Variants in MBL2 observed in about 807,000 individuals in gnomAD.
MBL2 encodes mannose-binding protein C.
In MBL2, 6 loss-of-function variants were observed where a neutral mutation model predicts 12.7. That is an observed-to-expected ratio of 0.47 (90% CI 0.26 to 0.94). MBL2 has a LOEUF of 0.94. Ranked by LOEUF, MBL2 falls within the 40% of genes least tolerant of loss-of-function variation. The pLI is 0.15. For synonymous variants in MBL2, 114 were observed against 112.0 expected, an observed-to-expected ratio of 1.02 and a Z score of -0.11; for missense variants, 307 against 295.2, an observed-to-expected ratio of 1.04 and a Z score of -0.29.
chr10:52,770,180 A>G (rs1161883904), intron 3 of MBL2, among the ~76,000 whole-genome samples: 1 of 152,254 alleles, frequency 6.6e-6, no homozygotes, highest in African/African-American at 2.4e-5. Context: ...GACCACAGAC[A>G]TGTGGGTAAG....
rs200313432 is a variant in MBL2, at chr10:52,769,327, G to A, written c.305-12C>T. ...GCTACTATCACCATCTAGAAAATTA[G>A]AACAAAGTAAAGAAGCATTGTTGAG... On this transcript the variant is annotated splice_polypyrimidine_tract_variant and intron_variant, in intron 3 of 4. Coordinates refer to ENST00000674931, the MANE Select transcript of MBL2 (RefSeq NM_001378373.1). 1 of 1,589,316 alleles carries A rather than the reference G, an allele frequency of 6.3e-7. No homozygotes were observed. The highest frequency in any genetic ancestry group is 2.2e-5 in the East Asian group (1 of 44,666).
At position 52,765,533 on chromosome 10, in the gene MBL2, C is replaced by G. The variant is rs1223254499; in HGVS notation, c.*2604G>C. 1.3e-5 allele frequency: 2 copies of G among 152,126 alleles called. No individual in the cohort carries two copies. The highest frequency in any genetic ancestry group is 2.9e-5 in the Non-Finnish European group (2 of 68,022). 9.4% of individuals were successfully genotyped at this position (152,126 alleles called of 1,614,324 possible). A position where few individuals can be genotyped will look rare whatever the true frequency, so the allele number is the denominator to read the frequency against. On this transcript the variant is annotated 3_prime_UTR_variant, in exon 5 of 5. Coordinates refer to ENST00000674931, the MANE Select transcript of MBL2 (RefSeq NM_001378373.1). ...AGACCTAAAATATAGTATCCTGATACTTTACTACACACTTTAAAGGTGTTA... is the reference window on the plus strand; with the variant it reads ...AGACCTAAAATATAGTATCCTGATAGTTTACTACACACTTTAAAGGTGTTA...
At chr10:52,770,058 T>C (rs1004652013) in intron 3 of MBL2, among the ~76,000 whole-genome samples, 1 of 152,234 alleles carries the variant, frequency 6.6e-6, no homozygotes, top group Non-Finnish European at 1.5e-5. Context: ...TAATCACTGC[T>C]ATGTGAACAA....
In MBL2 at chr10:52,766,473, T is replaced by G. The variant is rs953668032; in HGVS notation, c.*1664A>C. 6.6e-6 allele frequency: 1 copy of G among 152,054 alleles called. No individual in the cohort carries two copies. The highest frequency in any genetic ancestry group is 1.5e-5 in the Non-Finnish European group (1 of 67,994). The allele number at this position is 152,054 out of a possible 1,614,324, so 9.4% of individuals were successfully genotyped here. A position where few individuals can be genotyped will look rare whatever the true frequency, so the allele number is the denominator to read the frequency against. ...TAGTGCTGTCTCAAGTGGATATCTA[T>G]TCTACCAGGAATAGATAGAATGTTT... On this transcript the variant is annotated 3_prime_UTR_variant, in exon 5 of 5. Coordinates refer to ENST00000674931, the MANE Select transcript of MBL2 (RefSeq NM_001378373.1).
Position 52,770,623 on chromosome 10 carries a change from C to T in MBL2, c.304+47G>A, listed in dbSNP as rs1160500229. On this transcript the variant is annotated intron_variant, in intron 3 of 4. Coordinates refer to ENST00000674931, the MANE Select transcript of MBL2 (RefSeq NM_001378373.1). ...GCACCTCTTACCAGATACTCAAGGT[C>T]TCAGAACCCTGGGTGAAGTCAGCTC... 3.3e-6 allele frequency: 4 copies of T among 1,206,974 alleles called. No homozygotes were observed. In the South Asian group the frequency reaches 9.3e-5, roughly 28 times the overall value. The allele number at this position is 1,206,974 out of a possible 1,614,324, so 74.8% of individuals were successfully genotyped here. A position where few individuals can be genotyped will look rare whatever the true frequency, so the allele number is the denominator to read the frequency against.
Position 52,768,093 on chromosome 10 carries a change from G to A in MBL2, c.*44C>T, listed in dbSNP as rs573500466. 6.5e-7 allele frequency: 1 copy of A among 1,546,392 alleles called. No homozygotes were observed. The highest frequency in any genetic ancestry group is 8.7e-7 in the Non-Finnish European group (1 of 1,146,476). On this transcript the variant is annotated 3_prime_UTR_variant, in exon 5 of 5. Coordinates refer to ENST00000674931, the MANE Select transcript of MBL2 (RefSeq NM_001378373.1). ...CTTTTCAAGCATACTGTGGGCCTGT[G>A]GGTTGCAGTAAAAAGACAAGGAGGG... is the stretch of plus-strand genomic sequence containing the variant.
At chr10:52,769,956 G>C (rs757695174) in intron 3 of MBL2, among the ~76,000 whole-genome samples, 3 of 152,190 alleles carry the variant, frequency 2.0e-5, no homozygotes, top group African/African-American at 7.2e-5. Flanking sequence ...CTTGTGACTT[G>C]TTTTGACCAA....
At chr10:52,772,102 T>C (rs780686887) in intron 1 of MBL2, among the ~76,000 whole-genome samples, 9 of 152,136 alleles carry the variant, frequency 5.9e-5, no homozygotes, top group Non-Finnish European at 1.0e-4. Flanking sequence ...CTGATTCCCC[T>C]CCAGGACCTG....
At position 52,768,703 on chromosome 10, in the gene MBL2, G is replaced by A. The variant is rs1361745508; in HGVS notation, c.374-193C>T. ...TTTCAGACACACTTATACTAAAAAT[G>A]TTTTTCAGCTGAAATCCAATTTAAC... On this transcript the variant is annotated intron_variant, in intron 4 of 4. Transcript: ENST00000674931. 3.9e-5 allele frequency among the ~76,000 whole-genome samples: 6 copies of A among 152,052 alleles called. No individual in the cohort carries two copies. In the East Asian group the frequency reaches 9.6e-4, roughly 24 times the overall value.
chr10:52,770,743 C>A lies in MBL2; in HGVS notation c.231G>T (p.Gly77=). ...CAGAAGGCCCTGGATTTCCTGGAGG[C>A]CCCAACTTTCCAGGGGGGCCCTGTA... ...RGLQGPPGKL[G]PPGNPGPSGS... is the part of the protein sequence containing the mutation. Residue 77 remains glycine (G), a synonymous_variant, in exon 3 of 5, where the codon GGG becomes GGT. Coordinates refer to ENST00000674931, the MANE Select transcript of MBL2 (RefSeq NM_001378373.1). 1 of 1,516,106 alleles carries A rather than the reference C, an allele frequency of 6.6e-7. No homozygotes were observed. The allele number at this position is 1,516,106 out of a possible 1,614,324, so 93.9% of individuals were successfully genotyped here. A position where few individuals can be genotyped will look rare whatever the true frequency, so the allele number is the denominator to read the frequency against.
In MBL2 at chr10:52,771,824, A is replaced by G. The variant is rs986528331; in HGVS notation, c.-9-180T>C. 8.4e-6 allele frequency: 7 copies of G among 828,602 alleles called. No homozygotes were observed. In the African/African-American group the frequency reaches 1.2e-4, roughly 14 times the overall value. 51.3% of individuals were successfully genotyped at this position (828,602 alleles called of 1,614,324 possible). A position where few individuals can be genotyped will look rare whatever the true frequency, so the allele number is the denominator to read the frequency against. ...TGTGACACTGCGTGACTAGTACTTTAACAAAGGTAGGCACTATGATGAGCA... is the reference window on the plus strand; with the variant it reads ...TGTGACACTGCGTGACTAGTACTTTGACAAAGGTAGGCACTATGATGAGCA... On this transcript the variant is annotated intron_variant, in intron 1 of 4. Coordinates refer to ENST00000674931, the MANE Select transcript of MBL2 (RefSeq NM_001378373.1).
In MBL2 at chr10:52,768,388, T is replaced by C; in HGVS notation, c.496A>G (p.Arg166Gly). Residue 166 changes from arginine (R) to glycine (G), a missense_variant, in exon 5 of 5, where the codon AGG (arginine) becomes GGG (glycine). Arg to Gly is a moderately radical substitution (Grantham distance 125, BLOSUM62 -2). Coordinates refer to ENST00000674931, the MANE Select transcript of MBL2 (RefSeq NM_001378373.1). The part of the protein sequence containing the change: ...VKFQASVATP[R>G]NAAENGAIQN... Reference sequence around the variant, plus strand: ...ATGGCTCCATTCTCTGCAGCATTCCTGGGGGTGGCCACAGAGGCCTGGAAC... The same window carrying C: ...ATGGCTCCATTCTCTGCAGCATTCCCGGGGGTGGCCACAGAGGCCTGGAAC... The C allele has an allele frequency of 6.2e-7, 1 of 1,613,834 alleles. No homozygotes were observed. The highest frequency in any genetic ancestry group is 8.5e-7 in the Non-Finnish European group (1 of 1,179,992).
In MBL2 at chr10:52,767,201, C is replaced by T. The variant is rs550795478; in HGVS notation, c.*936G>A. The T allele has an allele frequency of 6.6e-6, 1 of 152,044 alleles. No homozygotes were observed. Among genetic ancestry groups the T allele is most frequent in the African/African-American group, 2.4e-5 (1 of 41,364 alleles). The allele number at this position is 152,044 out of a possible 1,614,324, so 9.4% of individuals were successfully genotyped here. A position where few individuals can be genotyped will look rare whatever the true frequency, so the allele number is the denominator to read the frequency against. On this transcript the variant is annotated 3_prime_UTR_variant, in exon 5 of 5. Transcript: ENST00000674931. ...ACCAAAAGACAAGTCCAGGAATGTT[C>T]GTGGGTTCTCTTCCTCATGGCCAAA...
At chr10:52,769,667 C>A (rs186776540) in intron 3 of MBL2, among the ~76,000 whole-genome samples, 1 of 152,058 alleles carries the variant, frequency 6.6e-6, no homozygotes, top group Admixed American at 6.6e-5. Flanking sequence ...TCTCTTGAGG[C>A]GTTACTCTAT....
In MBL2 at chr10:52,766,856, T is replaced by C. The variant is rs1437522078; in HGVS notation, c.*1281A>G. ...AAAATACAAAAATGTGAACGGGTAC[T>C]TCACAAAAGAAGATACCCAAGTGCC... On this transcript the variant is annotated 3_prime_UTR_variant, in exon 5 of 5. Coordinates refer to ENST00000674931, the MANE Select transcript of MBL2 (RefSeq NM_001378373.1). 2 of 151,490 alleles carry C rather than the reference T, an allele frequency of 1.3e-5. No homozygotes were observed. The highest frequency in any genetic ancestry group is 2.9e-5 in the Non-Finnish European group (2 of 68,038). The allele number at this position is 151,490 out of a possible 1,614,324, so 9.4% of individuals were successfully genotyped here.
rs1449337298 is a variant in MBL2, at chr10:52,770,681, C to T, written c.293G>A (p.Gly98Glu). Residue 98 changes from glycine (G) to glutamate (E), a missense_variant, in exon 3 of 5, where the codon GGA (glycine) becomes GAA (glutamate). By Grantham distance (98) the Gly-to-Glu change is moderately conservative. Transcript: ENST00000674931. ...PGPKGQKGDP[G>E]KSPDGDSSLA... ...GCTGGGGTCCTTACCCGGACTTTTT[C>T]CAGGGTCTCCTTTTTGGCCCTTTGG... is the stretch of plus-strand genomic sequence containing the variant. The T allele has an allele frequency of 8.8e-6, 13 of 1,480,782 alleles. No individual in the cohort carries two copies. Among genetic ancestry groups the T allele is most frequent in the Non-Finnish European group, 1.2e-5 (13 of 1,108,400 alleles). 91.7% of individuals were successfully genotyped at this position (1,480,782 alleles called of 1,614,324 possible). A position where few individuals can be genotyped will look rare whatever the true frequency, so the allele number is the denominator to read the frequency against.
Position 52,768,518 on chromosome 10 carries a change from G to A in MBL2, c.374-8C>T, listed in dbSNP as rs1840342623. The A allele has an allele frequency of 1.3e-6, 2 of 1,526,136 alleles. No homozygotes were observed. Among genetic ancestry groups the A allele is most frequent in the Non-Finnish European group, 8.8e-7 (1 of 1,139,400 alleles). 94.5% of individuals were successfully genotyped at this position (1,526,136 alleles called of 1,614,324 possible). On this transcript the variant is annotated splice_region_variant and splice_polypyrimidine_tract_variant and intron_variant, in intron 4 of 4. Transcript: ENST00000674931. ...CCAGAGAGAAGGTGAGCCCTAAAAT[G>A]TGAAAAAGTGGGTGAAACTGACTCA...
rs1840331293 is a variant in MBL2 at position 52,767,995 on chromosome 10, CTG to C, written c.*140_*141del. 2.1e-6 allele frequency: 2 copies of C among 957,716 alleles called. No individual in the cohort carries two copies. The highest frequency in any genetic ancestry group is 5.4e-5 in the Admixed American group (2 of 36,966). The allele number at this position is 957,716 out of a possible 1,614,324, so 59.3% of individuals were successfully genotyped here. On this transcript the variant is annotated 3_prime_UTR_variant, in exon 5 of 5. Transcript: ENST00000674931. Reference sequence around the variant, plus strand: ...TACTACTATTATTGCTTTGTTGGTGCTGTTAGTGATCATTTTTAGTGATTGCC... The same window carrying C: ...TACTACTATTATTGCTTTGTTGGTGCTTAGTGATCATTTTTAGTGATTGCC...
Position 52,771,841 on chromosome 10 carries a change from T to C in MBL2, c.-9-197A>G, listed in dbSNP as rs1589872417. 3 of 704,208 alleles carry C rather than the reference T, an allele frequency of 4.3e-6. 1 individual carries two copies. Among genetic ancestry groups the C allele is most frequent in the East Asian group, 5.6e-5 (2 of 35,760 alleles). 43.6% of individuals were successfully genotyped at this position (704,208 alleles called of 1,614,324 possible). A position where few individuals can be genotyped will look rare whatever the true frequency, so the allele number is the denominator to read the frequency against. The stretch of plus-strand genomic sequence containing the variant: ...AGTACTTTAACAAAGGTAGGCACTA[T>C]GATGAGCAGTGGGGATCCTAAGGAG... On this transcript the variant is annotated intron_variant, in intron 1 of 4. Coordinates refer to ENST00000674931, the MANE Select transcript of MBL2 (RefSeq NM_001378373.1).
Sources: gnomAD v4.1 joint callset for allele counts (sites outside exome capture counted in the v4.1 genomes callset) on GRCh38, gnomAD v4.1.1 for gene constraint, MANE v1.5 for transcripts, NCBI Gene and HGNC (gene_info 2026-07-23, HGNC 2026-07-21) for gene names.